Variants in PMF1 observed in about 807,000 individuals in gnomAD.
PMF1 encodes polyamine-modulated factor 1.
A neutral mutation model predicts 26.7 loss-of-function variants in PMF1; 21 were observed. The ratio of observed to expected loss-of-function variants is 0.79; its 90% CI spans 0.56 to 1.13. The LOEUF (loss-of-function observed/expected upper bound fraction) is 1.13. Among genes scored for constraint, PMF1 ranks in the 50% most tolerant of loss-of-function variants. The pLI is 0.00. For synonymous variants in PMF1, 105 were observed against 101.0 expected, an observed-to-expected ratio of 1.04 and a Z score of -0.24; for missense variants, 266 against 254.9, an observed-to-expected ratio of 1.04 and a Z score of -0.30.
At chr1:156,237,851 G>T (rs1242801635) in intron 4 of PMF1, among the ~76,000 whole-genome samples, 6 of 152,040 alleles carry the variant, frequency 3.9e-5, no homozygotes, top group Non-Finnish European at 8.8e-5. Flanking sequence ...CCGCTTCCTG[G>T]GTTCAAGTGA....
intron 4 of PMF1, 34 bp from the exon 5 acceptor site, chr1:156,239,514 T>C: frequency 6.3e-7 from 1 of 1,594,368 alleles, no homozygotes; most frequent in East Asian, 2.2e-5. Context: ...TTTTCTTAGA[T>C]CCCAGTTTGT....
At chr1:156,214,647 G>A (rs2103069728) in intron 1 of PMF1, among the ~76,000 whole-genome samples, 1 of 152,042 alleles carries the variant, frequency 6.6e-6, no homozygotes, top group East Asian at 1.9e-4. Flanking sequence ...GGAGGCTGAG[G>A]CAGGAGGATC....
chr1:156,225,483 T>G, intron 1 of PMF1: 2 of 679,190 alleles, frequency 2.9e-6, no homozygotes, highest in Non-Finnish European at 5.1e-6. Context: ...GCAAAGTCCA[T>G]TGTACCATTC....
At chr1:156,219,294 C>G (rs190806052) in intron 1 of PMF1, among the ~76,000 whole-genome samples, 1 of 152,296 alleles carries the variant, frequency 6.6e-6, no homozygotes, top group African/African-American at 2.4e-5. Context: ...GTTTTCTTCT[C>G]TTAGCTGTTT....
At chr1:156,224,681 G>A (rs1658257443) in intron 1 of PMF1, among the ~76,000 whole-genome samples, 1 of 151,732 alleles carries the variant, frequency 6.6e-6, no homozygotes, top group Non-Finnish European at 1.5e-5. Context: ...GGAGAATGGT[G>A]TGAACCCCAG....
At chr1:156,225,865 A>T (rs142113569) in intron 1 of PMF1, among the ~76,000 whole-genome samples, 1 of 152,110 alleles carries the variant, frequency 6.6e-6, no homozygotes, top group East Asian at 1.9e-4. Context: ...TTTATTTGTT[A>T]TTTTTTTGAG....
At chr1:156,215,802 T>C (rs2103072395) in intron 1 of PMF1, among the ~76,000 whole-genome samples, 1 of 152,120 alleles carries the variant, frequency 6.6e-6, no homozygotes, top group African/African-American at 2.4e-5. Flanking sequence ...GATTCTCCTG[T>C]CTCAGCCTCC....
At position 156,213,031 on chromosome 1, in the gene PMF1, A is replaced by G. The variant is rs1474510250; in HGVS notation, c.16A>G (p.Ser6Gly). The change falls in exon 1 of 5, where the codon AGC becomes GGC. Residue 6 changes from serine to glycine, a missense_variant. Ser to Gly is a moderately conservative substitution (Grantham distance 56). Coordinates refer to ENST00000368277, the MANE Select transcript of PMF1 (RefSeq NM_007221.4). ...CAACTTCAACATGGCCGAAGCAAGT[A>G]GCGCCAATCTAGGCAGCGGCTGTGA... MAEAS[S>G]ANLGSGCEEK... 4 of 1,614,208 alleles carry G rather than the reference A, an allele frequency of 2.5e-6. No individual in the cohort carries two copies. Among genetic ancestry groups the G allele is most frequent in the South Asian group, 2.2e-5 (2 of 91,092 alleles).
Position 156,236,429 on chromosome 1 carries a change from GA to G in PMF1, c.511del (p.Arg171GlyfsTer31). The stretch of plus-strand genomic sequence containing the variant: ...TGGCAGATGCCGTCCTGGCAGGGCG[GA>G]GGCAGGTGGAGGAGCTGCAGCTACA... ...QLADAVLAGRRQVEELQLQVQ... is the reference protein window; with the variant it reads ...QLADAVLAGRXQVEELQLQVQ... On this transcript the variant is annotated frameshift_variant, in exon 4 of 5. Coordinates refer to ENST00000368277, the MANE Select transcript of PMF1 (RefSeq NM_007221.4). LOFTEE classifies it high-confidence loss of function. 1 of 1,614,118 alleles carries G rather than the reference GA, an allele frequency of 6.2e-7. No homozygotes were observed. Among genetic ancestry groups the G allele is most frequent in the Non-Finnish European group, 8.5e-7 (1 of 1,179,978 alleles).
chr1:156,234,122 G>A (rs1189742374), intron 3 of PMF1, among the ~76,000 whole-genome samples: 2 of 152,214 alleles, frequency 1.3e-5, no homozygotes, highest in Non-Finnish European at 2.9e-5. Context: ...CCATATCCAT[G>A]AGACTCTGGG....
At chr1:156,230,177 C>T (rs778270692) in intron 1 of PMF1, among the ~76,000 whole-genome samples, 1 of 151,338 alleles carries the variant, frequency 6.6e-6, no homozygotes, top group Non-Finnish European at 1.5e-5. Context: ...CCCAGTGGCC[C>T]GCCAGCCTGA....
intron 1 of PMF1, among the ~76,000 whole-genome samples, chr1:156,226,057 G>A (rs1430870011): frequency 6.6e-6 from 1 of 152,118 alleles, no homozygotes; most frequent in African/African-American, 2.4e-5. Context: ...GTTTCACCAT[G>A]TTGGCCAGGC....
intron 1 of PMF1, chr1:156,225,426 T>C (rs1456319044): frequency 1.7e-6 from 1 of 604,662 alleles, no homozygotes; most frequent in Non-Finnish European, 3.1e-6. Context: ...ATACCCAGTA[T>C]GTAGTCTTTT....
chr1:156,214,881 ATTATTT>A (rs1558187623), intron 1 of PMF1, among the ~76,000 whole-genome samples: 1 of 146,888 alleles, frequency 6.8e-6, no homozygotes, highest in African/African-American at 2.5e-5. Flanking sequence ...TATTATTATT[ATTATTT>A]TTTTTTTTTA....
chr1:156,219,967 CTT>C (rs796375492), intron 1 of PMF1, among the ~76,000 whole-genome samples: 9 of 127,266 alleles, frequency 7.1e-5, no homozygotes, highest in Non-Finnish European at 3.4e-5. Context: ...CCATGCTGGT[CTT>C]TTTTTTTTTT....
chr1:156,237,960 G>C (rs1347714007), intron 4 of PMF1, among the ~76,000 whole-genome samples: 3 of 151,990 alleles, frequency 2.0e-5, no homozygotes, highest in African/African-American at 7.3e-5. Context: ...TAGAGACGGG[G>C]TTTCACCATG....
chr1:156,213,672 G>A (rs1657522239), intron 1 of PMF1, among the ~76,000 whole-genome samples: 1 of 152,074 alleles, frequency 6.6e-6, no homozygotes. Context: ...ATGTGAGCAA[G>A]ACGTAAGCCC....
Position 156,238,522 on chromosome 1 carries a change from A to G in PMF1, c.565-1026A>G, listed in dbSNP as rs564410626. ...AGTGCATTTCCAAGAGAAGCTTTCT[A>G]GTAGGGCTCAAGTGGCGGCATCTCT... is the stretch of plus-strand genomic sequence containing the variant. On this transcript the variant is annotated intron_variant, in intron 4 of 4. Transcript: ENST00000368277. 4.6e-5 allele frequency among the ~76,000 whole-genome samples: 7 copies of G among 152,360 alleles called. No individual in the cohort carries two copies. In the East Asian group the frequency reaches 1.2e-3, roughly 25 times the overall value.
At chr1:156,232,480 G>T in intron 2 of PMF1, 55 bp downstream of exon 2, 1 of 1,568,250 alleles carries the variant, frequency 6.4e-7, no homozygotes, top group Admixed American at 1.7e-5. Flanking sequence ...TCTCCAGATT[G>T]TCAGTCCCCT....
Sources: allele counts gnomAD v4.1 joint callset (sites outside exome capture counted in the v4.1 genomes callset), GRCh38; gene constraint gnomAD v4.1.1; transcripts MANE v1.5; gene names NCBI Gene and HGNC (gene_info 2026-07-23, HGNC 2026-07-21).